CASP2: variants seen among roughly 807,000 people sequenced by gnomAD.
The protein encoded by CASP2 is caspase-2.
Under a neutral mutation model 54.4 loss-of-function variants are expected in CASP2, and 38 were observed. The observed-to-expected ratio is 0.70, with a 90% confidence interval of 0.54 to 0.92. The LOEUF (loss-of-function observed/expected upper bound fraction) is 0.92, where lower values mean the gene tolerates loss of function less well. CASP2 is among the 40% of genes least tolerant of loss of function. CASP2 has a pLI of 0.00. For missense variants in CASP2, 512 were observed against 579.6 expected (o/e 0.88, Z 1.20); for synonymous variants, 215 against 216.3 (o/e 0.99, Z 0.05).
intron 8 of CASP2, chr7:143,302,791 A>C (rs1344555983): frequency 6.6e-6 from 1 of 152,144 alleles, no homozygotes; most frequent in Non-Finnish European, 1.5e-5. Flanking sequence ...CCCACACCCA[A>C]AATAAAACAA....
chr7:143,290,322 A>G (rs894548985), intron 1 of CASP2, among the ~76,000 whole-genome samples: 27 of 152,092 alleles, frequency 1.8e-4, no homozygotes, highest in African/African-American at 5.3e-4. Flanking sequence ...TTAGCCTCCC[A>G]AAGTGCAGGG....
Position 143,306,580 on chromosome 7 carries a change from A to C in CASP2, c.*1509A>C, listed in dbSNP as rs1445809106. The stretch of plus-strand genomic sequence containing the variant: ...GCAAGACCTTTTTTTAAAAAAAAAA[A>C]AAAAAAAACTTCCATTCTTTCTTCC... On this transcript the variant is annotated 3_prime_UTR_variant, in exon 11 of 11. Transcript: ENST00000310447. 1 of 151,832 alleles carries C rather than the reference A, an allele frequency of 6.6e-6. No individual in the cohort carries two copies. The highest frequency in any genetic ancestry group is 1.5e-5 in the Non-Finnish European group (1 of 67,968). 9.4% of individuals were successfully genotyped at this position (151,832 alleles called of 1,614,324 possible).
In CASP2 at chr7:143,303,915, G is replaced by A. The variant is rs1014267894; in HGVS notation, c.1099G>A (p.Gly367Ser). The stretch of plus-strand genomic sequence containing the variant: ...GCCCACGCGCTCAGACATGATATGC[G>A]GCTATGCCTGCCTCAAAGGTACTTT... ...RLPTRSDMIC[G>S]YACLKGTAAM... The change falls in exon 9 of 11, where the codon GGC becomes AGC. Residue 367 changes from glycine to serine, a missense_variant. Gly to Ser is a moderately conservative substitution (Grantham distance 56). Coordinates refer to ENST00000310447, the MANE Select transcript of CASP2 (RefSeq NM_032982.4). The A allele has an allele frequency of 7.5e-6, 12 of 1,601,700 alleles. No individual in the cohort carries two copies. The highest frequency in any genetic ancestry group is 5.4e-5 in the African/African-American group (4 of 74,680).
rs897494810 is a variant in CASP2 at position 143,306,241 on chromosome 7, C to CT, written c.*1173dup. 7.4e-6 allele frequency: 1 copy of CT among 135,438 alleles called. No homozygotes were observed. Among genetic ancestry groups the CT allele is most frequent in the Non-Finnish European group, 1.6e-5 (1 of 63,192 alleles). The allele number at this position is 135,438 out of a possible 1,614,324, so 8.4% of individuals were successfully genotyped here. A position where few individuals can be genotyped will look rare whatever the true frequency, so the allele number is the denominator to read the frequency against. On this transcript the variant is annotated 3_prime_UTR_variant, in exon 11 of 11. Coordinates refer to ENST00000310447, the MANE Select transcript of CASP2 (RefSeq NM_032982.4). Reference sequence around the variant, plus strand: ...TCTGAAACTTCCCAACTTCCCTGTTCTTTAAGACTTTTTTTTTTTTTTTTT... The same window carrying CT: ...TCTGAAACTTCCCAACTTCCCTGTTCTTTTAAGACTTTTTTTTTTTTTTTTT...
Position 143,305,074 on chromosome 7 carries a change from T to A in CASP2, c.*3T>A. On this transcript the variant is annotated 3_prime_UTR_variant, in exon 11 of 11. Transcript: ENST00000310447. ...TCCCAGGACACCCTCCCACATGATG[T>A]CACCTCCCCATCATCCACGCCAAGT... The A allele has an allele frequency of 1.2e-6, 2 of 1,614,204 alleles. No homozygotes were observed. Among genetic ancestry groups the A allele is most frequent in the Non-Finnish European group, 1.7e-6 (2 of 1,180,016 alleles).
rs1802041406 is a variant in CASP2, at chr7:143,305,616, G to A, written c.*545G>A. The A allele has an allele frequency of 4.4e-6, 1 of 226,608 alleles. No individual in the cohort carries two copies. The allele number at this position is 226,608 out of a possible 1,614,324, so 14.0% of individuals were successfully genotyped here. Reference sequence around the variant, plus strand: ...GAGACGCACCTTGCTGCAGTGTCCAGAAGCGGCCTGTGCGTTCCCTTCAGT... The same window carrying A: ...GAGACGCACCTTGCTGCAGTGTCCAAAAGCGGCCTGTGCGTTCCCTTCAGT... On this transcript the variant is annotated 3_prime_UTR_variant, in exon 11 of 11. Coordinates refer to ENST00000310447, the MANE Select transcript of CASP2 (RefSeq NM_032982.4).
chr7:143,291,603 G>T lies in CASP2; in HGVS notation c.138G>T (p.Val46=). Residue 46 remains valine (V), a synonymous_variant, in exon 2 of 11, where the codon GTG becomes GTT. Coordinates refer to ENST00000310447, the MANE Select transcript of CASP2 (RefSeq NM_032982.4). ...HQETLKKNRV[V]LAKQLLLSEL... Reference sequence around the variant, plus strand: ...AAACTCTAAAAAAGAACCGAGTGGTGCTAGCCAAACAGCTGTTGTTGAGCG... The same window carrying T: ...AAACTCTAAAAAAGAACCGAGTGGTTCTAGCCAAACAGCTGTTGTTGAGCG... 2 of 1,614,042 alleles carry T rather than the reference G, an allele frequency of 1.2e-6. No homozygotes were observed. The highest frequency in any genetic ancestry group is 1.7e-6 in the Non-Finnish European group (2 of 1,179,966).
chr7:143,296,818 T>C (rs1191270367), intron 6 of CASP2, among the ~76,000 whole-genome samples: 1 of 152,140 alleles, frequency 6.6e-6, no homozygotes, highest in East Asian at 1.9e-4. Flanking sequence ...CAGGAAATAG[T>C]ATAATTAGTC....
At chr7:143,290,948 T>C (rs1801538612) in intron 1 of CASP2, 1 of 158,716 alleles carries the variant, frequency 6.3e-6, no homozygotes, top group South Asian at 1.8e-4. Flanking sequence ...TGTGACTTTC[T>C]GTCATACTTT....
At chr7:143,292,732 C>T (rs779654146) in intron 4 of CASP2, 34 bp downstream of exon 4, 1 of 1,553,586 alleles carries the variant, frequency 6.4e-7, no homozygotes. Context: ...GGTCCCAGGC[C>T]AGGTGCCACG....
chr7:143,300,075 A>G (rs1801869122), intron 7 of CASP2, 24 bp downstream of exon 7: 1 of 1,613,988 alleles, frequency 6.2e-7, no homozygotes, highest in African/African-American at 1.3e-5. Flanking sequence ...GGTGGAAGCC[A>G]ACTGTTGAAA....
At chr7:143,303,616 T>G in intron 8 of CASP2, 168 bp from the exon 9 acceptor site, 2 of 597,182 alleles carry the variant, frequency 3.3e-6, no homozygotes, top group Non-Finnish European at 2.9e-6. Flanking sequence ...GCTGAGAGAG[T>G]AATAATTTTT....
At chr7:143,298,130 C>T (rs796523890) in intron 6 of CASP2, among the ~76,000 whole-genome samples, 4 of 152,260 alleles carry the variant, frequency 2.6e-5, no homozygotes, top group African/African-American at 4.8e-5. Context: ...CAAGATTTCA[C>T]GTTTCTTCCA....
Position 143,288,546 on chromosome 7 carries a change from C to A in CASP2, c.74+17C>A. 6.2e-7 allele frequency: 1 copy of A among 1,600,274 alleles called. No individual in the cohort carries two copies. Among genetic ancestry groups the A allele is most frequent in the Non-Finnish European group, 8.6e-7 (1 of 1,168,696 alleles). On this transcript the variant is annotated intron_variant, in intron 1 of 10. Coordinates refer to ENST00000310447, the MANE Select transcript of CASP2 (RefSeq NM_032982.4). Reference sequence around the variant, plus strand: ...GGGACGCAGGTAAGTAGGGAACGGTCTTAGGGCTCCTTAGGGGAGCCCAGG... The same window carrying A: ...GGGACGCAGGTAAGTAGGGAACGGTATTAGGGCTCCTTAGGGGAGCCCAGG...
intron 7 of CASP2, 38 bp from the exon 8 acceptor site, chr7:143,300,162 CTGAA>C: frequency 1.9e-6 from 3 of 1,612,810 alleles, no homozygotes; most frequent in Non-Finnish European, 2.5e-6. Context: ...GGAGGCCCCG[CTGAA>C]TGCTTAACCT....
At chr7:143,292,568 C>T (rs1478305547) in intron 3 of CASP2, 49 bp from the exon 4 acceptor site, 3 of 1,604,048 alleles carry the variant, frequency 1.9e-6, no homozygotes, top group African/African-American at 2.7e-5. Context: ...TGTATTTGGA[C>T]CGGACCACTT....
chr7:143,299,372 G>T (rs747763423), intron 6 of CASP2, among the ~76,000 whole-genome samples: 3 of 152,146 alleles, frequency 2.0e-5, no homozygotes, highest in Non-Finnish European at 4.4e-5. Context: ...CTCCTTCATA[G>T]CGTGCTCTTT....
intron 6 of CASP2, 21 bp from the exon 7 acceptor site, chr7:143,299,902 C>G: frequency 6.2e-7 from 1 of 1,614,064 alleles, no homozygotes; most frequent in Non-Finnish European, 8.5e-7. Context: ...GTGCACAACA[C>G]TAAACATTCC....
intron 6 of CASP2, among the ~76,000 whole-genome samples, chr7:143,297,952 C>T (rs1169914401): frequency 6.6e-6 from 1 of 152,192 alleles, no homozygotes; most frequent in Non-Finnish European, 1.5e-5. Context: ...TTTTCAACAA[C>T]ACCAGTCTCT....
Sources: gnomAD v4.1 joint callset for allele counts (sites outside exome capture counted in the v4.1 genomes callset) on GRCh38, gnomAD v4.1.1 for gene constraint, MANE v1.5 for transcripts, NCBI Gene and HGNC (gene_info 2026-07-23, HGNC 2026-07-21) for gene names.